NPAS3: variants seen among roughly 807,000 people sequenced by gnomAD.
The protein encoded by NPAS3 is neuronal PAS domain protein 3, also known as neuronal PAS domain-containing protein 3.
A neutral mutation model predicts 73.1 loss-of-function variants in NPAS3; 14 were observed. The observed-to-expected ratio is 0.19, with a 90% CI of 0.13 to 0.30. The LOEUF is 0.30. NPAS3 is among the 10% of genes least tolerant of loss of function. NPAS3 has a pLI of 1.00. For missense variants in NPAS3, 1,096 were observed against 1,250.0 expected, an observed-to-expected ratio of 0.88 and a Z score of 1.86; for synonymous variants, 620 against 541.5, an observed-to-expected ratio of 1.14 and a Z score of -2.01.
chr14:33,733,110 A>G (rs1020798352), intron 6 of NPAS3, among the ~76,000 whole-genome samples: 1 of 152,150 alleles, frequency 6.6e-6, no homozygotes, highest in African/African-American at 2.4e-5. Context: ...TGCAAACATG[A>G]TCTTGCTGAA....
chr14:33,625,485 G>A (rs755140577), intron 5 of NPAS3, among the ~76,000 whole-genome samples: 1 of 152,190 alleles, frequency 6.6e-6, no homozygotes, highest in Non-Finnish European at 1.5e-5. Flanking sequence ...TAAAGACACA[G>A]AGGTACTTTA....
chr14:33,284,771 TCTA>T, intron 3 of NPAS3, among the ~76,000 whole-genome samples: 2 of 5,452 alleles, frequency 3.7e-4, no homozygotes, highest in South Asian at 9.1e-3. Context: ...TCTATATCTA[TCTA>T]TCTATCTATC....
At chr14:33,301,974 A>T (rs1351338219) in intron 3 of NPAS3, among the ~76,000 whole-genome samples, 1 of 152,178 alleles carries the variant, frequency 6.6e-6, no homozygotes, top group Non-Finnish European at 1.5e-5. Context: ...TTCTGACATG[A>T]CTTGGAAGCT....
intron 5 of NPAS3, among the ~76,000 whole-genome samples, chr14:33,638,869 A>G (rs945359196): frequency 3.9e-5 from 6 of 152,244 alleles, no homozygotes; most frequent in African/African-American, 1.4e-4. Flanking sequence ...TAACTGTCCT[A>G]AATCTCGAGC....
intron 3 of NPAS3, among the ~76,000 whole-genome samples, chr14:33,299,909 A>G (rs1396867295): frequency 6.6e-6 from 1 of 152,200 alleles, no homozygotes; most frequent in Non-Finnish European, 1.5e-5. Context: ...CACATGTGTT[A>G]TAGGTCATGC....
intron 5 of NPAS3, among the ~76,000 whole-genome samples, chr14:33,597,468 A>G (rs2057277804): frequency 6.6e-6 from 1 of 152,376 alleles, no homozygotes; most frequent in African/African-American, 2.4e-5. Flanking sequence ...TAAAGTAAAT[A>G]TATCCATTCA....
chr14:32,962,618 C>G (rs1230040180), intron 1 of NPAS3, among the ~76,000 whole-genome samples: 2 of 134,100 alleles, frequency 1.5e-5, no homozygotes, highest in Admixed American at 1.6e-4. Context: ...GTCACCCAGG[C>G]TGGAGTGCAG....
At chr14:33,249,921 C>CAG (rs1417242085) in intron 3 of NPAS3, among the ~76,000 whole-genome samples, 4 of 151,822 alleles carry the variant, frequency 2.6e-5, no homozygotes, top group Non-Finnish European at 5.9e-5. Flanking sequence ...CACACACACA[C>CAG]ACACACACAC....
intron 3 of NPAS3, among the ~76,000 whole-genome samples, chr14:33,236,699 AG>A (rs749176335): frequency 1.2e-3 from 188 of 152,236 alleles, no homozygotes; most frequent in Admixed American, 1.8e-3. Flanking sequence ...GGACATTCCC[AG>A]GTCTGGCTTC....
chr14:33,184,496 G>A (rs1190189433), intron 2 of NPAS3, among the ~76,000 whole-genome samples: 1 of 152,130 alleles, frequency 6.6e-6, no homozygotes. Flanking sequence ...TTCTGAGTAG[G>A]AGAGAGACTT....
At chr14:33,051,833 C>T (rs966876962) in intron 1 of NPAS3, among the ~76,000 whole-genome samples, 1 of 152,170 alleles carries the variant, frequency 6.6e-6, no homozygotes, top group African/African-American at 2.4e-5. Flanking sequence ...GAGCTTGACT[C>T]ACTGCAACCT....
intron 2 of NPAS3, among the ~76,000 whole-genome samples, chr14:33,111,845 T>A (rs2042907307): frequency 8.2e-6 from 1 of 122,192 alleles, no homozygotes; most frequent in African/African-American, 3.1e-5. Flanking sequence ...CAGGCCCCGG[T>A]GTGTGATGTT....
At chr14:33,280,489 A>G (rs1256176198) in intron 3 of NPAS3, among the ~76,000 whole-genome samples, 1 of 152,166 alleles carries the variant, frequency 6.6e-6, no homozygotes, top group Non-Finnish European at 1.5e-5. Context: ...TGGTTTTGCC[A>G]CTAGCTATGA....
At chr14:33,712,292 C>A (rs2060840687) in intron 6 of NPAS3, among the ~76,000 whole-genome samples, 1 of 152,178 alleles carries the variant, frequency 6.6e-6, no homozygotes, top group African/African-American at 2.4e-5. Context: ...CACCAAATGA[C>A]CAAGAAGCCA....
intron 5 of NPAS3, among the ~76,000 whole-genome samples, chr14:33,674,017 C>T (rs1266656216): frequency 2.0e-5 from 3 of 152,164 alleles, no homozygotes; most frequent in African/African-American, 7.2e-5. Context: ...TGGGAAATCC[C>T]ATGAGGCCAC....
intron 4 of NPAS3, among the ~76,000 whole-genome samples, chr14:33,550,282 T>C (rs757719210): frequency 5.9e-5 from 9 of 152,206 alleles, no homozygotes; most frequent in Non-Finnish European, 1.0e-4. Context: ...GCCTCCCTAA[T>C]AAGCATTACT....
intron 4 of NPAS3, among the ~76,000 whole-genome samples, chr14:33,516,772 G>GTGA (rs939361132): frequency 1.4e-4 from 22 of 151,974 alleles, no homozygotes; most frequent in Admixed American, 2.0e-4. Flanking sequence ...GATAATGATG[G>GTGA]TGATGATGAT....
intron 5 of NPAS3, among the ~76,000 whole-genome samples, chr14:33,561,462 G>A (rs1315499412): frequency 6.6e-6 from 1 of 152,232 alleles, no homozygotes; most frequent in African/African-American, 2.4e-5. Flanking sequence ...GCTATAGTGT[G>A]TGGAGTAATT....
intron 4 of NPAS3, among the ~76,000 whole-genome samples, chr14:33,378,736 G>A (rs567080504): frequency 6.6e-6 from 1 of 152,330 alleles, no homozygotes; most frequent in East Asian, 1.9e-4. Flanking sequence ...AGCATAGTCA[G>A]AAATGGGGGA....
Sources: gnomAD v4.1 joint callset for allele counts (sites outside exome capture counted in the v4.1 genomes callset) on GRCh38, gnomAD v4.1.1 for gene constraint, MANE v1.5 for transcripts, NCBI Gene and HGNC (gene_info 2026-07-23, HGNC 2026-07-21) for gene names.